ARL17B: variants seen among roughly 807,000 people sequenced by gnomAD.
The protein encoded by ARL17B is ADP-ribosylation factor-like protein 17.
chr17:46,314,441 T>C (rs1259969694), intron 3 of ARL17B, among the ~76,000 whole-genome samples: 5 of 79,856 alleles, frequency 6.3e-5, no homozygotes, highest in Admixed American at 1.3e-4. Flanking sequence ...ATTTTGCACA[T>C]AGATGTTCAG....
intron 4 of ARL17B, among the ~76,000 whole-genome samples, chr17:46,288,912 C>T (rs1249926129): frequency 1.3e-5 from 2 of 152,156 alleles, no homozygotes; most frequent in Non-Finnish European, 2.9e-5. Flanking sequence ...ACCATGTTGG[C>T]CAGGCTAGCC....
chr17:46,312,654 T>C (rs1417103676), intron 3 of ARL17B, among the ~76,000 whole-genome samples: 5 of 80,612 alleles, frequency 6.2e-5, no homozygotes, highest in Admixed American at 3.8e-4. Flanking sequence ...GAGGAAGATA[T>C]AGAATGAAGG....
intron 4 of ARL17B, among the ~76,000 whole-genome samples, chr17:46,277,917 C>T (rs1166860838): frequency 6.6e-6 from 1 of 152,032 alleles, no homozygotes; most frequent in Admixed American, 6.6e-5. Flanking sequence ...GCTAGGATTA[C>T]GGACATGAGC....
intron 3 of ARL17B, among the ~76,000 whole-genome samples, chr17:46,319,212 A>ATTTTTTTTTTTTTTTTTTTTTTTTTTT (rs1225879085): frequency 1.2e-3 from 2 of 1,640 alleles, no homozygotes; most frequent in South Asian, 0.028. Flanking sequence ...ATTGTGGTCA[A>ATTTTTTTTTTTTTTTTTTTTTTTTTTT]TTTTTTTTTT....
intron 3 of ARL17B, among the ~76,000 whole-genome samples, chr17:46,311,577 T>C (rs2050800237): frequency 1.2e-5 from 1 of 86,004 alleles, no homozygotes; most frequent in African/African-American, 3.4e-5. Flanking sequence ...GAAACATAGC[T>C]CATCTATCTG....
At chr17:46,289,754 CTT>C (rs1199543962) in intron 4 of ARL17B, among the ~76,000 whole-genome samples, 3 of 152,228 alleles carry the variant, frequency 2.0e-5, no homozygotes, top group African/African-American at 7.2e-5. Flanking sequence ...AGAAAAATAA[CTT>C]AGCCCACGTT....
chr17:46,278,396 AT>A (rs1255080603), intron 4 of ARL17B, among the ~76,000 whole-genome samples: 1 of 136,038 alleles, frequency 7.4e-6, no homozygotes, highest in Non-Finnish European at 1.6e-5. Context: ...GTTTTGTTTT[AT>A]TTTGTTTTTT....
At chr17:46,331,007 G>A (rs1475900863), downstream of ARL17B, 2 of 721,834 alleles carry the variant, frequency 2.8e-6, no homozygotes, top group Non-Finnish European at 4.1e-6. Flanking sequence ...GCATAAGGCA[G>A]CAGTCTCTGT....
chr17:46,334,602 C>T (rs1469001842), downstream of ARL17B: 8 of 43,352 alleles, frequency 1.8e-4, no homozygotes, highest in African/African-American at 2.3e-4. Flanking sequence ...AAAATGTGTT[C>T]GTAGAGACAA....
At chr17:46,276,364 C>T (rs1354541087) in intron 4 of ARL17B, among the ~76,000 whole-genome samples, 1 of 152,192 alleles carries the variant, frequency 6.6e-6, no homozygotes, top group Non-Finnish European at 1.5e-5. Context: ...AAATTTTTTA[C>T]CACTATACAT....
At chr17:46,281,999 T>C (rs1435626351) in intron 4 of ARL17B, among the ~76,000 whole-genome samples, 1 of 152,156 alleles carries the variant, frequency 6.6e-6, no homozygotes, top group African/African-American at 2.4e-5. Context: ...CTGCCTACTT[T>C]TCTTGCTTCC....
At chr17:46,316,758 CG>C (rs2051145463) in intron 3 of ARL17B, among the ~76,000 whole-genome samples, 1 of 61,294 alleles carries the variant, frequency 1.6e-5, no homozygotes, top group African/African-American at 5.9e-5. Flanking sequence ...GAGGACCCTG[CG>C]GCCTTCCACA....
intron 4 of ARL17B, among the ~76,000 whole-genome samples, chr17:46,290,082 G>A (rs955636982): frequency 1.1e-4 from 16 of 152,276 alleles, no homozygotes; most frequent in African/African-American, 3.9e-4. Flanking sequence ...TGGCACCACT[G>A]TGCTGCAATG....
chr17:46,275,311 G>T (rs1487257728), exon 5 of ARL17B: 10 of 752,690 alleles, frequency 1.3e-5, no homozygotes, highest in Middle Eastern at 4.5e-4. Flanking sequence ...AAAAGATCTG[G>T]CTCCTTAATT....
intron 4 of ARL17B, among the ~76,000 whole-genome samples, chr17:46,287,401 A>T (rs936243718): frequency 3.9e-4 from 60 of 152,390 alleles, no homozygotes; most frequent in South Asian, 6.2e-4. Context: ...TTAAAAATGT[A>T]TCTCACAATT....
intron 4 of ARL17B, among the ~76,000 whole-genome samples, chr17:46,292,177 C>T: frequency 1.3e-5 from 1 of 79,114 alleles, no homozygotes; most frequent in Non-Finnish European, 3.8e-5. Context: ...ACTAAAAATA[C>T]AAAAATTGGC....
intron 3 of ARL17B, among the ~76,000 whole-genome samples, chr17:46,315,332 C>A (rs2051018424): frequency 9.7e-6 from 1 of 103,390 alleles, no homozygotes; most frequent in Admixed American, 9.8e-5. Flanking sequence ...CAAGGCCAGC[C>A]AGGGCAACAT....
chr17:46,323,802 G>A lies in ARL17B; in HGVS notation c.260-24137C>T, dbSNP rs1357603513. On this transcript the variant is annotated intron_variant, in intron 3 of 4. Transcript: ENST00000434041. ...CAGGTTCCTCATCCATAGATTCAAC[G>A]AACCATGGATGGAGAATATTTGGAA... Among the ~76,000 whole-genome samples, 7 of 101,624 alleles carry A rather than the reference G, an allele frequency of 6.9e-5. 2 individuals are homozygous for A. Among genetic ancestry groups the A allele is most frequent in the Admixed American group, 2.0e-4 (2 of 10,222 alleles). The allele number at this position is 101,624 out of a possible 152,430, so 66.7% of individuals were successfully genotyped here.
Position 46,275,381 on chromosome 17 carries a change from T to C in ARL17B, c.*59A>G. ...TTTATGTTAGGTTAACATGCTGAAC[T>C]TTAGGAAGCTGTAGACTGCAGTTTG... is the stretch of plus-strand genomic sequence containing the variant. On this transcript the variant is annotated 3_prime_UTR_variant, in exon 5 of 5. Coordinates refer to the ARL17B transcript ENST00000570618. 4 of 1,008,174 alleles carry C rather than the reference T, an allele frequency of 4.0e-6. No homozygotes were observed. In the South Asian group the frequency reaches 5.2e-5, roughly 13 times the overall value. The allele number at this position is 1,008,174 out of a possible 1,614,324, so 62.5% of individuals were successfully genotyped here.
Sources: allele counts gnomAD v4.1 joint callset (sites outside exome capture counted in the v4.1 genomes callset), GRCh38; gene constraint gnomAD v4.1.1; transcripts MANE v1.5; gene names NCBI Gene and HGNC (gene_info 2026-07-23, HGNC 2026-07-21).